The following LNX1 variants were observed in gnomAD, a reference collection of about 807,000 sequenced individuals.
LNX1 encodes the protein E3 ubiquitin-protein ligase LNX.
Under a neutral mutation model 68.4 loss-of-function variants are expected in LNX1, and 54 were observed. The ratio of observed to expected loss-of-function variants is 0.79; its 90% CI spans 0.63 to 0.99. The LOEUF is 0.99. Among genes scored for constraint, LNX1 ranks in the 50% least tolerant of loss-of-function variants. The pLI, the probability that LNX1 is intolerant of heterozygous loss-of-function variation, is 0.00. For missense variants in LNX1, 906 were observed against 926.4 expected (o/e 0.98, Z 0.29); for synonymous variants, 336 against 350.0 (o/e 0.96, Z 0.45).
At chr4:53,546,814 G>C (rs1007394712) in intron 2 of LNX1, among the ~76,000 whole-genome samples, 4 of 152,178 alleles carry the variant, frequency 2.6e-5, no homozygotes, top group African/African-American at 9.7e-5. Flanking sequence ...GAGGAATGAA[G>C]GCTGGGGAGG....
intron 1 of LNX1, among the ~76,000 whole-genome samples, chr4:53,582,569 T>G (rs192176396): frequency 6.6e-6 from 1 of 152,248 alleles, no homozygotes; most frequent in East Asian, 1.9e-4. Context: ...TTTTGCACAT[T>G]TAAAAGTTAT....
At chr4:53,619,405 A>G (rs1733787554), upstream of LNX1, among the ~76,000 whole-genome samples, 1 of 152,096 alleles carries the variant, frequency 6.6e-6, no homozygotes, top group Non-Finnish European at 1.5e-5. Flanking sequence ...CTGTTTTGTG[A>G]ATTTGCCTAT....
chr4:53,554,340 T>C (rs1265959515), intron 2 of LNX1, among the ~76,000 whole-genome samples: 4 of 152,228 alleles, frequency 2.6e-5, no homozygotes, highest in African/African-American at 9.6e-5. Context: ...AGTCAATAGG[T>C]GTTTGGCCCA....
intron 2 of LNX1, among the ~76,000 whole-genome samples, chr4:53,512,178 G>A (rs1579443036): frequency 1.3e-5 from 2 of 152,158 alleles, no homozygotes; most frequent in East Asian, 3.9e-4. Context: ...CACAGTGGCT[G>A]CTCCACCCTT....
At chr4:53,582,821 A>G (rs1439794190) in intron 1 of LNX1, among the ~76,000 whole-genome samples, 1 of 152,096 alleles carries the variant, frequency 6.6e-6, no homozygotes, top group East Asian at 1.9e-4. Context: ...AGCTCAGTGC[A>G]AAAATCACCA....
At chr4:53,557,333 T>C (rs1309701720) in intron 2 of LNX1, among the ~76,000 whole-genome samples, 4 of 152,200 alleles carry the variant, frequency 2.6e-5, no homozygotes, top group Non-Finnish European at 5.9e-5. Flanking sequence ...AATGGAAATA[T>C]GGGTGCTCAA....
chr4:53,575,642 G>T (rs914088134), intron 1 of LNX1: 51 of 1,340,862 alleles, frequency 3.8e-5, no homozygotes, highest in Non-Finnish European at 4.8e-5. Context: ...ATTGGCTGGG[G>T]ATCACTGGCA....
intron 2 of LNX1, among the ~76,000 whole-genome samples, chr4:53,527,072 A>AAT (rs1553935014): frequency 1.4e-4 from 21 of 148,188 alleles, no homozygotes; most frequent in African/African-American, 5.1e-4. Flanking sequence ...AAAAAAAAAA[A>AAT]CTAGAAGAAC....
intron 4 of LNX1, among the ~76,000 whole-genome samples, chr4:53,506,874 A>AAAAAAAAAAAAAAAAAAAG: frequency 6.7e-6 from 1 of 149,646 alleles, no homozygotes; most frequent in African/African-American, 2.4e-5. Context: ...AAAAAAAAAA[A>AAAAAAAAAAAAAAAAAAAG]AGAGGAATAA....
At chr4:53,470,152 T>A (rs149680127) in intron 9 of LNX1, among the ~76,000 whole-genome samples, 24,392 of 152,154 alleles carry the variant, frequency 0.16, 2,484 homozygotes, top group Admixed American at 0.26. Context: ...CATGATCAAG[T>A]GGGCTTCATC....
At chr4:53,513,651 A>G (rs1452057123) in intron 2 of LNX1, among the ~76,000 whole-genome samples, 1 of 152,174 alleles carries the variant, frequency 6.6e-6, no homozygotes, top group African/African-American at 2.4e-5. Flanking sequence ...GATACCCCAA[A>G]TACAATCCAA....
chr4:53,484,893 A>C lies in LNX1; in HGVS notation c.1351-3039T>G, dbSNP rs528643909. 5.3e-5 allele frequency among the ~76,000 whole-genome samples: 8 copies of C among 152,330 alleles called. No homozygotes were observed. The East Asian group carries it at 1.4e-3, about 26-fold the overall frequency. On this transcript the variant is annotated intron_variant, in intron 6 of 10. Coordinates refer to ENST00000263925, the MANE Select transcript of LNX1 (RefSeq NM_001126328.3). ...GGAGTCCTCTGCCCATGTCCTTCACACAAAGTCTGGCCATCACTTCTGATC... is the reference window on the plus strand; with the variant it reads ...GGAGTCCTCTGCCCATGTCCTTCACCCAAAGTCTGGCCATCACTTCTGATC...
intron 2 of LNX1, among the ~76,000 whole-genome samples, chr4:53,606,509 G>T (rs186873575): frequency 1.8e-3 from 274 of 151,890 alleles, no homozygotes; most frequent in Non-Finnish European, 3.0e-3. Flanking sequence ...GAACAAGACA[G>T]ATTCACAGCC....
intron 2 of LNX1, among the ~76,000 whole-genome samples, chr4:53,566,202 T>A (rs999665150): frequency 1.3e-3 from 190 of 151,914 alleles, no homozygotes; most frequent in Non-Finnish European, 1.8e-3. Context: ...ATTGTCAGAT[T>A]CACCAAAGTT....
At chr4:53,625,844 C>CGTGTGTGTGTGTGT (rs59366709) in intron 1 of LNX1, among the ~76,000 whole-genome samples, 24 of 144,164 alleles carry the variant, frequency 1.7e-4, no homozygotes, top group African/African-American at 2.9e-4. Flanking sequence ...AATTCCACCC[C>CGTGTGTGTGTGTGT]GTGTGTGTGT....
At chr4:53,635,964 T>C (rs368427943) in intron 1 of LNX1, among the ~76,000 whole-genome samples, 61 of 152,264 alleles carry the variant, frequency 4.0e-4, no homozygotes, top group African/African-American at 1.1e-3. Flanking sequence ...TGATGGGGAA[T>C]TAGAAGCATT....
upstream of LNX1, among the ~76,000 whole-genome samples, chr4:53,592,116 A>G (rs1290285893): frequency 6.7e-6 from 1 of 149,694 alleles, no homozygotes; most frequent in East Asian, 2.0e-4. Context: ...TTAATTCCAT[A>G]TTCAGGAATT....
intron 6 of LNX1, among the ~76,000 whole-genome samples, chr4:53,491,796 TTTTTGTTTGTTTG>T (rs968515630): frequency 6.0e-5 from 5 of 83,826 alleles, no homozygotes; most frequent in Non-Finnish European, 1.6e-4. Flanking sequence ...ACGATACTTT[TTTTTGTTTGTTTG>T]TTTTTTGAGA....
chr4:53,563,289 C>T (rs78829667), intron 2 of LNX1, among the ~76,000 whole-genome samples: 2,535 of 152,238 alleles, frequency 0.017, 67 homozygotes, highest in African/African-American at 0.058. Context: ...CAAACCAATG[C>T]AAAATTTATA....
Sources: gnomAD v4.1 joint callset for allele counts (sites outside exome capture counted in the v4.1 genomes callset) on GRCh38, gnomAD v4.1.1 for gene constraint, MANE v1.5 for transcripts, NCBI Gene and HGNC (gene_info 2026-07-23, HGNC 2026-07-21) for gene names.